HHAT: variants seen among roughly 807,000 people sequenced by gnomAD.
The protein encoded by HHAT is hedgehog acyltransferase.
In HHAT, 47 loss-of-function variants were observed where a neutral mutation model predicts 70.8. The observed-to-expected ratio is 0.66, with a 90% CI of 0.53 to 0.85. The LOEUF is 0.85. Among genes scored for constraint, HHAT ranks in the 40% least tolerant of loss-of-function variants. HHAT has a pLI of 0.00. For synonymous variants in HHAT, 228 were observed against 247.6 expected, an observed-to-expected ratio of 0.92 and a Z score of 0.74; for missense variants, 609 against 604.8, an observed-to-expected ratio of 1.01 and a Z score of -0.07.
chr1:210,532,360 A>G (rs2095323985), intron 9 of HHAT, among the ~76,000 whole-genome samples: 1 of 152,204 alleles, frequency 6.6e-6, no homozygotes, highest in African/African-American at 2.4e-5. Context: ...TCCTTATTTT[A>G]TCTCTGGACT....
intron 1 of HHAT, among the ~76,000 whole-genome samples, chr1:210,332,314 A>G (rs576353961): frequency 2.0e-5 from 3 of 152,386 alleles, no homozygotes; most frequent in Admixed American, 1.3e-4. Flanking sequence ...GTTAGCAACA[A>G]AAGTGCAAGT....
chr1:210,510,021 T>A (rs1028267147), intron 8 of HHAT, among the ~76,000 whole-genome samples: 1 of 152,208 alleles, frequency 6.6e-6, no homozygotes, highest in African/African-American at 2.4e-5. Context: ...AGGAAATCTT[T>A]CAGGGCTGTA....
intron 4 of HHAT, among the ~76,000 whole-genome samples, chr1:210,393,645 G>A (rs2091595235): frequency 6.6e-6 from 1 of 152,140 alleles, no homozygotes; most frequent in Non-Finnish European, 1.5e-5. Flanking sequence ...ACCAGGCAGG[G>A]GTGGACAGGT....
At position 210,674,320 on chromosome 1, in the gene HHAT, T is replaced by C; in HGVS notation, c.1423T>C (p.Phe475Leu). Residue 475 changes from phenylalanine to leucine, a missense_variant, in exon 12 of 12, where the codon TTC becomes CTC. Transcript: ENST00000261458. ...TTGGGTGACCCTCTCTGTCCTGGGATTCCTGTACTGCTACTCCCACGTGGG... is the reference window on the plus strand; with the variant it reads ...TTGGGTGACCCTCTCTGTCCTGGGACTCCTGTACTGCTACTCCCACGTGGG... ...WPWVTLSVLG[F>L]LYCYSHVGIA... 6.2e-7 allele frequency: 1 copy of C among 1,614,186 alleles called. No homozygotes were observed. Among genetic ancestry groups the C allele is most frequent in the Non-Finnish European group, 8.5e-7 (1 of 1,180,020 alleles).
intron 7 of HHAT, among the ~76,000 whole-genome samples, chr1:210,460,310 A>C (rs758973746): frequency 3.9e-5 from 6 of 152,188 alleles, no homozygotes; most frequent in Non-Finnish European, 5.9e-5. Context: ...TTGGGAAGTC[A>C]TTCTGTCATA....
chr1:210,557,268 G>A (rs559962467), intron 9 of HHAT, among the ~76,000 whole-genome samples: 1 of 152,338 alleles, frequency 6.6e-6, no homozygotes, highest in African/African-American at 2.4e-5. Context: ...CATTGTGAGT[G>A]GAGGACCCAT....
intron 9 of HHAT, among the ~76,000 whole-genome samples, chr1:210,553,800 C>CCCTCTTCCCACCTCTT (rs1197192007): frequency 6.6e-6 from 1 of 152,222 alleles, no homozygotes; most frequent in Non-Finnish European, 1.5e-5. Flanking sequence ...CTCCCTCTCT[C>CCCTCTTCCCACCTCTT]CCTCTTCCCA....
intron 7 of HHAT, among the ~76,000 whole-genome samples, chr1:210,451,810 C>T (rs1311494602): frequency 1.3e-5 from 2 of 152,202 alleles, no homozygotes; most frequent in African/African-American, 2.4e-5. Context: ...AACTCTTGGT[C>T]TCCAGTGATC....
At chr1:210,564,119 A>ATT (rs34490631) in intron 9 of HHAT, among the ~76,000 whole-genome samples, 15,698 of 142,916 alleles carry the variant, frequency 0.11, 913 homozygotes, top group South Asian at 0.17. Context: ...ATGCCCAACT[A>ATT]TTTTTTTTTT....
At chr1:210,673,799 TTATTTATTTATTTATG>T (rs1337106850) in intron 11 of HHAT, among the ~76,000 whole-genome samples, 60 of 127,988 alleles carry the variant, frequency 4.7e-4, no homozygotes, top group Non-Finnish European at 4.6e-4. Context: ...ATTTATTTAT[TTATTTATTTATTTATG>T]GTAGAGATGA....
intron 7 of HHAT, among the ~76,000 whole-genome samples, chr1:210,459,957 A>T (rs1347586873): frequency 6.6e-6 from 1 of 152,168 alleles, no homozygotes; most frequent in Non-Finnish European, 1.5e-5. Flanking sequence ...ACTGGGCGGG[A>T]TGTCCAAGAG....
At chr1:210,619,952 C>G (rs1668510701) in intron 10 of HHAT, among the ~76,000 whole-genome samples, 1 of 152,228 alleles carries the variant, frequency 6.6e-6, no homozygotes, top group Non-Finnish European at 1.5e-5. Flanking sequence ...TCACTGTCTT[C>G]TGGTATTCCC....
chr1:210,428,026 A>C (rs1408485776), intron 7 of HHAT, among the ~76,000 whole-genome samples: 1 of 149,134 alleles, frequency 6.7e-6, no homozygotes, highest in Non-Finnish European at 1.5e-5. Context: ...TGCTGAGTTG[A>C]ATCCTTTACC....
chr1:210,429,607 A>G (rs1381447883), intron 7 of HHAT, among the ~76,000 whole-genome samples: 1 of 151,400 alleles, frequency 6.6e-6, no homozygotes, highest in Non-Finnish European at 1.5e-5. Context: ...TTTTTTTTGC[A>G]AAAATAACTT....
chr1:210,344,721 C>T (rs1333451171), intron 1 of HHAT, among the ~76,000 whole-genome samples: 7 of 152,156 alleles, frequency 4.6e-5, no homozygotes, highest in Non-Finnish European at 8.8e-5. Context: ...GGTCTTTAGG[C>T]TCCTTCAGCC....
At chr1:210,651,762 A>G (rs1675206857) in intron 11 of HHAT, among the ~76,000 whole-genome samples, 1 of 152,222 alleles carries the variant, frequency 6.6e-6, no homozygotes, top group Non-Finnish European at 1.5e-5. Context: ...GAGATGCAAA[A>G]CAAGCATAGT....
Position 210,479,359 on chromosome 1 carries a change from G to C in HHAT, c.1007+14704G>C, listed in dbSNP as rs574408333. ...GAATAGAGGAGTCCCTGCCCTCAGG[G>C]AGTTAATACTGACAAGTAATGTGTC... On this transcript the variant is annotated intron_variant, in intron 8 of 11. Transcript: ENST00000261458. Among the ~76,000 whole-genome samples, 5 of 152,294 alleles carry C rather than the reference G, an allele frequency of 3.3e-5. No homozygotes were observed. In the East Asian group the frequency reaches 9.6e-4, roughly 29 times the overall value.
chr1:210,631,432 C>T (rs1393082418), intron 11 of HHAT, among the ~76,000 whole-genome samples: 6 of 152,238 alleles, frequency 3.9e-5, no homozygotes, highest in Non-Finnish European at 7.3e-5. Flanking sequence ...TGGATTGGCA[C>T]TGACCAGTCT....
In HHAT at chr1:210,588,111, C is replaced by T. The variant is rs1341556041; in HGVS notation, c.1245+12C>T. ...TCCAGGACAGTCTGGTGAGCAGGATCCTTGCTGCTGTGTTAGGGGACAGTG... is the reference window on the plus strand; with the variant it reads ...TCCAGGACAGTCTGGTGAGCAGGATTCTTGCTGCTGTGTTAGGGGACAGTG... On this transcript the variant is annotated intron_variant, in intron 10 of 11. Coordinates refer to ENST00000261458, the MANE Select transcript of HHAT (RefSeq NM_018194.6). 2.5e-6 allele frequency: 4 copies of T among 1,584,134 alleles called. No individual in the cohort carries two copies. The South Asian group carries it at 3.4e-5, about 13-fold the overall frequency.
Sources: gnomAD v4.1 joint callset for allele counts (sites outside exome capture counted in the v4.1 genomes callset) on GRCh38, gnomAD v4.1.1 for gene constraint, MANE v1.5 for transcripts, NCBI Gene and HGNC (gene_info 2026-07-23, HGNC 2026-07-21) for gene names.